TRPC5: variants seen among roughly 807,000 people sequenced by gnomAD.
TRPC5 encodes short transient receptor potential channel 5.
A neutral mutation model predicts 56.5 loss-of-function variants in TRPC5; 9 were observed. The observed-to-expected ratio is 0.16, with a 90% CI of 0.10 to 0.28. TRPC5 has a LOEUF of 0.28. Among genes scored for constraint, TRPC5 ranks in the 10% least tolerant of loss-of-function variants. The pLI, the probability that TRPC5 is intolerant of heterozygous loss-of-function variation, is 1.00. For missense variants in TRPC5, 469 were observed against 748.9 expected, an observed-to-expected ratio of 0.63 and a Z score of 4.36; for synonymous variants, 282 against 278.5, an observed-to-expected ratio of 1.01 and a Z score of -0.13.
rs758313370 is a variant in TRPC5, at chrX:111,954,514, G to A, written c.-21-2073C>T. ...CAGTTATGGCCTAGTTGGGTGATGG[G>A]TTGGGGGGAATGCAAGGGGTCTTAT... On this transcript the variant is annotated intron_variant, in intron 1 of 10. Transcript: ENST00000262839. Among the ~76,000 whole-genome samples the A allele has an allele frequency of 2.7e-5, 3 of 111,957 alleles. 1 individual carries two copies. The South Asian group carries it at 1.1e-3, about 42-fold the overall frequency.
chrX:112,005,314 A>G (rs61256865), intron 1 of TRPC5, among the ~76,000 whole-genome samples: 9,290 of 108,480 alleles, frequency 0.086, 660 homozygotes, highest in African/African-American at 0.23. Context: ...CTTCTGGAGG[A>G]TGGAGGTGGG....
intron 1 of TRPC5, among the ~76,000 whole-genome samples, chrX:111,997,348 G>C (rs934769722): frequency 1.8e-5 from 2 of 111,886 alleles, no homozygotes; most frequent in African/African-American, 6.5e-5. Flanking sequence ...CTGGCTTGTA[G>C]GGTTTCTGAC....
chrX:111,883,408 T>G (rs764626746), intron 3 of TRPC5, among the ~76,000 whole-genome samples: 2 of 112,515 alleles, frequency 1.8e-5, no homozygotes, highest in African/African-American at 6.5e-5. Flanking sequence ...CCCAGTCTAC[T>G]TAAGTCCTAG....
chrX:111,773,098 A>C lies in TRPC5; in HGVS notation c.*3215T>G, dbSNP rs1022012075. On this transcript the variant is annotated 3_prime_UTR_variant, in exon 11 of 11. Transcript: ENST00000262839. ...CGACTTAGCTGAAATAGCCTAAGTTAGGTCACAGTGGAATGAAAAATGATG... is the reference window on the plus strand; with the variant it reads ...CGACTTAGCTGAAATAGCCTAAGTTCGGTCACAGTGGAATGAAAAATGATG... Among the ~76,000 whole-genome samples, 2 of 112,408 alleles carry C rather than the reference A, an allele frequency of 1.8e-5. No homozygotes were observed. The highest frequency in any genetic ancestry group is 6.5e-5 in the African/African-American group (2 of 30,938).
chrX:111,768,170 C>T lies in TRPC5; in HGVS notation c.*8143G>A, dbSNP rs748215425. Reference sequence around the variant, plus strand: ...AGTGATAGTTATTCAAAGAGATTTCCACTTTGAAAATAGTCTTCAAAGCCA... The same window carrying T: ...AGTGATAGTTATTCAAAGAGATTTCTACTTTGAAAATAGTCTTCAAAGCCA... On this transcript the variant is annotated 3_prime_UTR_variant, in exon 11 of 11. Transcript: ENST00000262839. Among the ~76,000 whole-genome samples, 14 of 112,242 alleles carry T rather than the reference C, an allele frequency of 1.2e-4. No homozygotes were observed. The highest frequency in any genetic ancestry group is 2.3e-4 in the Non-Finnish European group (12 of 53,148).
At chrX:112,078,696 C>T (rs780352597) in intron 1 of TRPC5, among the ~76,000 whole-genome samples, 6 of 112,157 alleles carry the variant, frequency 5.3e-5, no homozygotes, top group Non-Finnish European at 7.5e-5. Flanking sequence ...CAGCAAATTG[C>T]AATTTTTCTT....
At chrX:111,967,826 G>T (rs1927645026) in intron 1 of TRPC5, among the ~76,000 whole-genome samples, 1 of 111,797 alleles carries the variant, frequency 8.9e-6, no homozygotes. Context: ...ATTAATTCAG[G>T]ATGTATTAAA....
intron 1 of TRPC5, among the ~76,000 whole-genome samples, chrX:112,037,514 T>C (rs1451544969): frequency 1.8e-5 from 2 of 111,796 alleles, no homozygotes; most frequent in East Asian, 5.6e-4. Context: ...CTTGACCTTA[T>C]CTTTTTCCCC....
intron 7 of TRPC5, among the ~76,000 whole-genome samples, chrX:111,794,109 G>C (rs935720075): frequency 1.8e-5 from 2 of 112,017 alleles, no homozygotes; most frequent in African/African-American, 6.5e-5. Flanking sequence ...TCTGGCATTA[G>C]ACAGTAGTAA....
intron 1 of TRPC5, among the ~76,000 whole-genome samples, chrX:112,080,766 A>G (rs1282586408): frequency 1.8e-5 from 2 of 112,135 alleles, no homozygotes; most frequent in Non-Finnish European, 3.8e-5. Flanking sequence ...AATCATCAAT[A>G]AAACATCAAA....
At chrX:111,948,853 G>C (rs974726668) in intron 2 of TRPC5, among the ~76,000 whole-genome samples, 1 of 111,472 alleles carries the variant, frequency 9.0e-6, no homozygotes, top group African/African-American at 3.3e-5. Context: ...ACACCCTGAG[G>C]GACTCTCTGT....
chrX:111,947,823 G>C (rs1302650279), intron 2 of TRPC5, among the ~76,000 whole-genome samples: 5 of 112,005 alleles, frequency 4.5e-5, no homozygotes, highest in Non-Finnish European at 9.4e-5. Flanking sequence ...TAATACAGCA[G>C]TGAACAAGAG....
chrX:112,025,119 A>G (rs1929380862), intron 1 of TRPC5, among the ~76,000 whole-genome samples: 2 of 112,001 alleles, frequency 1.8e-5, no homozygotes, highest in African/African-American at 6.5e-5. Flanking sequence ...AATGCCTTTC[A>G]GGAAGAATGG....
chrX:111,774,137 T>A lies in TRPC5; in HGVS notation c.*2176A>T, dbSNP rs1019629084. Among the ~76,000 whole-genome samples the A allele has an allele frequency of 8.9e-6, 1 of 112,139 alleles. No homozygotes were observed. Among genetic ancestry groups the A allele is most frequent in the African/African-American group, 3.2e-5 (1 of 30,846 alleles). ...GAGATTGATTTACACATATTATCTC[T>A]TTAGAACGTAAGTGACAGAAGACTT... On this transcript the variant is annotated 3_prime_UTR_variant, in exon 11 of 11. Coordinates refer to ENST00000262839, the MANE Select transcript of TRPC5 (RefSeq NM_012471.3).
chrX:111,874,859 G>A (rs1321161173), intron 3 of TRPC5, among the ~76,000 whole-genome samples: 1 of 112,415 alleles, frequency 8.9e-6, no homozygotes, highest in East Asian at 2.8e-4. Context: ...ATGCAGAGTT[G>A]AGTAATTACA....
intron 3 of TRPC5, among the ~76,000 whole-genome samples, chrX:111,909,406 G>A (rs1436674045): frequency 9.1e-6 from 1 of 109,877 alleles, no homozygotes; most frequent in Admixed American, 9.8e-5. Flanking sequence ...ATGAAACTAT[G>A]CTTAGATAAG....
At chrX:111,926,616 T>C (rs1021920909) in intron 2 of TRPC5, among the ~76,000 whole-genome samples, 4 of 112,058 alleles carry the variant, frequency 3.6e-5, no homozygotes, top group Admixed American at 1.9e-4. Context: ...GTGATTAACA[T>C]TTACCAAACA....
chrX:111,823,529 C>G (rs998482474), intron 7 of TRPC5, among the ~76,000 whole-genome samples: 1 of 111,101 alleles, frequency 9.0e-6, no homozygotes, highest in South Asian at 3.8e-4. Flanking sequence ...AGTGCTGACC[C>G]GTTTACTCCC....
intron 3 of TRPC5, among the ~76,000 whole-genome samples, chrX:111,870,876 C>T (rs1603066037): frequency 9.0e-6 from 1 of 111,110 alleles, no homozygotes; most frequent in East Asian, 2.8e-4. Flanking sequence ...TTTTTTCTTT[C>T]AAGACACAGG....
Sources: allele counts gnomAD v4.1 joint callset (sites outside exome capture counted in the v4.1 genomes callset), GRCh38; gene constraint gnomAD v4.1.1; transcripts MANE v1.5; gene names NCBI Gene and HGNC (gene_info 2026-07-23, HGNC 2026-07-21).